The following IL19 variants were observed in gnomAD, a reference collection of about 807,000 sequenced individuals.
The protein encoded by IL19 is interleukin-19.
IL19 carries 15 observed loss-of-function variants against 19.5 expected under a neutral mutation model. The ratio of observed to expected loss-of-function variants is 0.77; its 90% CI spans 0.52 to 1.19. The LOEUF (loss-of-function observed/expected upper bound fraction) is 1.19. Among genes scored for constraint, IL19 ranks in the 50% most tolerant of loss-of-function variants. The pLI, the probability that IL19 is intolerant of heterozygous loss-of-function variation, is 0.00. For synonymous variants in IL19, 78 were observed against 78.3 expected (o/e 1.00, Z 0.02); for missense variants, 199 against 213.1 (o/e 0.93, Z 0.41).
intron 1 of IL19, among the ~76,000 whole-genome samples, chr1:206,781,414 CAAAAAAAAAA>C (rs57060549): frequency 1.9e-4 from 8 of 43,026 alleles, no homozygotes; most frequent in African/African-American, 4.5e-4. Flanking sequence ...GACTCTGTCT[CAAAAAAAAAA>C]AAAAAAAAAA....
In IL19 at chr1:206,814,513, A is replaced by C. The variant is rs376965021; in HGVS notation, c.-3+15507A>C. On this transcript the variant is annotated intron_variant, in intron 2 of 6. Coordinates refer to ENST00000659997, the MANE Select transcript of IL19 (RefSeq NM_153758.5). The stretch of plus-strand genomic sequence containing the variant: ...CGAGATCAGCCTAACCAATATGGCG[A>C]AACCCTGTCTCTACTAAAAACACAC... 2.1e-4 allele frequency among the ~76,000 whole-genome samples: 31 copies of C among 149,316 alleles called. No homozygotes were observed. In the South Asian group the frequency reaches 6.8e-3, roughly 33 times the overall value.
intron 1 of IL19, among the ~76,000 whole-genome samples, chr1:206,781,299 C>T (rs1369335038): frequency 6.6e-6 from 1 of 150,442 alleles, no homozygotes; most frequent in African/African-American, 2.4e-5. Flanking sequence ...CAAAAATTAG[C>T]TGGGCGTGGT....
chr1:206,785,170 G>A (rs980419417), intron 1 of IL19, among the ~76,000 whole-genome samples: 1 of 152,210 alleles, frequency 6.6e-6, no homozygotes, highest in African/African-American at 2.4e-5. Flanking sequence ...CTCGGGTCAT[G>A]CAGGCTCTGG....
At chr1:206,837,674 C>T (rs2243196) in intron 4 of IL19, among the ~76,000 whole-genome samples, 1 of 152,002 alleles carries the variant, frequency 6.6e-6, no homozygotes, top group Admixed American at 6.6e-5. Context: ...CATAGCATGA[C>T]CTCGTCTCTA....
chr1:206,822,839 G>A (rs1353019740), intron 2 of IL19, among the ~76,000 whole-genome samples: 1 of 152,200 alleles, frequency 6.6e-6, no homozygotes, highest in Admixed American at 6.5e-5. Flanking sequence ...CTGAATGAAT[G>A]TGTAAGTGAC....
In IL19 at chr1:206,770,892, T is replaced by G. The variant is rs1674809964; in HGVS notation, c.-335T>G. Reference sequence around the variant, plus strand: ...TGGGGGCAGCTGCAAGGGAAAAAACTGATCTGCTACTTACACAGCGCCGTA... The same window carrying G: ...TGGGGGCAGCTGCAAGGGAAAAAACGGATCTGCTACTTACACAGCGCCGTA... On this transcript the variant is annotated 5_prime_UTR_variant, in exon 1 of 7. Transcript: ENST00000659997. The G allele has an allele frequency of 6.2e-7, 1 of 1,613,700 alleles. No homozygotes were observed. The highest frequency in any genetic ancestry group is 1.3e-5 in the African/African-American group (1 of 74,906).
chr1:206,821,584 CAG>C (rs1676291509), intron 2 of IL19, among the ~76,000 whole-genome samples: 2 of 152,232 alleles, frequency 1.3e-5, no homozygotes, highest in African/African-American at 2.4e-5. Context: ...TCAAGACTAA[CAG>C]AGTCTGCATG....
At chr1:206,822,681 A>G (rs1175207334) in intron 2 of IL19, among the ~76,000 whole-genome samples, 1 of 152,234 alleles carries the variant, frequency 6.6e-6, no homozygotes, top group Non-Finnish European at 1.5e-5. Context: ...TTGACTGGTA[A>G]GAGTGATCAT....
intron 6 of IL19, among the ~76,000 whole-genome samples, chr1:206,841,844 T>C (rs560502132): frequency 6.6e-6 from 1 of 152,358 alleles, no homozygotes; most frequent in East Asian, 1.9e-4. Context: ...TGAGTCATTA[T>C]CTGCATTGGA....
At chr1:206,830,509 AT>A (rs1465020550) in intron 2 of IL19, among the ~76,000 whole-genome samples, 1 of 152,024 alleles carries the variant, frequency 6.6e-6, no homozygotes, top group Non-Finnish European at 1.5e-5. Flanking sequence ...ACATTTAAAC[AT>A]TTATGTATTC....
At chr1:206,806,418 C>CAATA (rs200166593) in intron 2 of IL19, among the ~76,000 whole-genome samples, 2,365 of 152,248 alleles carry the variant, frequency 0.016, 30 homozygotes, top group Middle Eastern at 0.037. Context: ...TACAAAAACT[C>CAATA]AATAAATAAA....
chr1:206,822,933 CTT>C (rs1051805832), intron 2 of IL19, among the ~76,000 whole-genome samples: 1 of 147,790 alleles, frequency 6.8e-6, no homozygotes. Flanking sequence ...CTTTTTCTTT[CTT>C]TTTTTTTTGT....
intron 2 of IL19, among the ~76,000 whole-genome samples, chr1:206,800,903 A>C (rs550609944): frequency 3.3e-5 from 5 of 152,330 alleles, no homozygotes; most frequent in African/African-American, 7.2e-5. Context: ...GACCAGGCAC[A>C]GCCTGGAGAC....
intron 1 of IL19, among the ~76,000 whole-genome samples, chr1:206,778,631 T>C (rs1675062790): frequency 6.6e-6 from 1 of 152,218 alleles, no homozygotes; most frequent in South Asian, 2.1e-4. Context: ...CTTGAAATTC[T>C]CAATAACTGT....
intron 2 of IL19, among the ~76,000 whole-genome samples, chr1:206,828,099 AGGCCTCTG>A (rs1400784284): frequency 1.3e-3 from 2 of 1,488 alleles, no homozygotes; most frequent in Non-Finnish European, 5.9e-3. Flanking sequence ...CCTGCTTACC[AGGCCTCTG>A]GTTTAATAAA....
At chr1:206,777,898 C>T (rs1423452794) in intron 1 of IL19, among the ~76,000 whole-genome samples, 2 of 152,248 alleles carry the variant, frequency 1.3e-5, no homozygotes, top group African/African-American at 2.4e-5. Flanking sequence ...ACAGAGGCTT[C>T]CTCAGAAGCT....
chr1:206,784,341 G>A (rs1467169748), intron 1 of IL19, among the ~76,000 whole-genome samples: 2 of 152,048 alleles, frequency 1.3e-5, no homozygotes, highest in Non-Finnish European at 2.9e-5. Flanking sequence ...CGGCAGGAGC[G>A]AGCGAACATG....
chr1:206,791,749 A>C (rs770260602), intron 1 of IL19, among the ~76,000 whole-genome samples: 1 of 152,172 alleles, frequency 6.6e-6, no homozygotes, highest in African/African-American at 2.4e-5. Context: ...CCCTCATCAG[A>C]GGCTCCTTTC....
intron 1 of IL19, among the ~76,000 whole-genome samples, chr1:206,796,214 G>C (rs772800682): frequency 6.6e-6 from 1 of 152,006 alleles, no homozygotes; most frequent in African/African-American, 2.4e-5. Flanking sequence ...CTACTTTTTT[G>C]TTCTACTGTT....
Sources: gnomAD v4.1 joint callset for allele counts (sites outside exome capture counted in the v4.1 genomes callset) on GRCh38, gnomAD v4.1.1 for gene constraint, MANE v1.5 for transcripts, NCBI Gene and HGNC (gene_info 2026-07-23, HGNC 2026-07-21) for gene names.